Variants in LMNA observed in about 807,000 individuals in gnomAD.
LMNA encodes the protein lamin A/C.
Under a neutral mutation model 70.4 loss-of-function variants are expected in LMNA, and 20 were observed. That is an observed-to-expected ratio of 0.28 (90% CI 0.20 to 0.41). The LOEUF is 0.41. LMNA is among the 10% of genes least tolerant of loss of function. LMNA has a pLI of 1.00. For missense variants in LMNA, 652 were observed against 917.2 expected (o/e 0.71, Z 3.73); for synonymous variants, 339 against 372.8 (o/e 0.91, Z 1.04).
rs540425570 is a variant in LMNA, at chr1:156,124,859, A to G, written c.357-5758A>G. On this transcript the variant is annotated intron_variant, in intron 1 of 11. Coordinates refer to ENST00000368300, the MANE Select transcript of LMNA (RefSeq NM_170707.4). ...CTCCGTATCACTCTCTGACTGGGGT[A>G]TCTCCCAGCAAGCGAGACAGAGGCA... Among the ~76,000 whole-genome samples the G allele has an allele frequency of 2.7e-4, 41 of 152,252 alleles. 2 individuals are homozygous for G. In the South Asian group the frequency reaches 8.5e-3, roughly 32 times the overall value.
chr1:156,139,082 C>A lies in LMNA; in HGVS notation c.1971C>A (p.Ser657Arg), dbSNP rs1023544978. Residue 657 changes from serine to arginine, a missense_variant and splice_region_variant, in exon 12 of 12, where the codon AGC becomes AGA. Around this residue, in one of 4 missense-constraint regions of LMNA, gnomAD observed 327 missense variants for 387.6 expected, o/e 0.84. Coordinates refer to ENST00000368300, the MANE Select transcript of LMNA (RefSeq NM_170707.4). ...LLGNSSPRTQ[S>R]PQNCSIM Reference sequence around the variant, plus strand: ...CTCTCCTCTGTTTTCTCTCTTAGAGCCCCCAGAACTGCAGCATCATGTAAT... The same window carrying A: ...CTCTCCTCTGTTTTCTCTCTTAGAGACCCCAGAACTGCAGCATCATGTAAT... The A allele has an allele frequency of 6.2e-7, 1 of 1,613,596 alleles. No individual in the cohort carries two copies. Among genetic ancestry groups the A allele is most frequent in the Non-Finnish European group, 8.5e-7 (1 of 1,179,822 alleles).
At position 156,115,312 on chromosome 1, in the gene LMNA, T is replaced by A. The variant is rs1178826574; in HGVS notation, c.356+38T>A. 1.9e-6 allele frequency: 3 copies of A among 1,561,100 alleles called. No homozygotes were observed. The highest frequency in any genetic ancestry group is 2.6e-6 in the Non-Finnish European group (3 of 1,155,696). On this transcript the variant is annotated intron_variant, in intron 1 of 11. Coordinates refer to ENST00000368300, the MANE Select transcript of LMNA (RefSeq NM_170707.4). The surrounding 1 kb of genome is among the most constrained non-coding windows in gnomAD (Gnocchi z 5.8). ...AGGTGGCTGCGTGCCTGGCGGGGAG[T>A]GGAGAGGGCGGCGGGCCGGCGCCCC... is the stretch of plus-strand genomic sequence containing the variant.
chr1:156,138,289 G>C lies in LMNA; in HGVS notation c.1699-199G>C. The stretch of plus-strand genomic sequence containing the variant: ...GTTCTCTGTCCCCAAGTCTTCCTGA[G>C]CCTTCTCCCCTTTTATGTCTTCCCT... On this transcript the variant is annotated intron_variant, in intron 10 of 11. Transcript: ENST00000368300. This position sits in a 1 kb window ranked among gnomAD's most constrained non-coding sequence, Gnocchi z 5.5. The C allele has an allele frequency of 3.3e-6, 2 of 611,532 alleles. No individual in the cohort carries two copies. The highest frequency in any genetic ancestry group is 5.8e-6 in the Non-Finnish European group (2 of 346,552). The allele number at this position is 611,532 out of a possible 1,614,324, so 37.9% of individuals were successfully genotyped here.
At chr1:156,106,015 G>T (rs1291566569) in intron 3 of LMNA, among the ~76,000 whole-genome samples, 1 of 152,024 alleles carries the variant, frequency 6.6e-6, no homozygotes, top group African/African-American at 2.4e-5. Context: ...GGCTCCTGTA[G>T]TCCCAGGTAC....
At chr1:156,083,591 T>TC (rs1280723854) in intron 2 of LMNA, 1 of 152,074 alleles carries the variant, frequency 6.6e-6, no homozygotes, top group African/African-American at 2.4e-5. Flanking sequence ...TCACCTGAGG[T>TC]CAGGAGTTCG....
Position 156,115,819 on chromosome 1 carries a change from A to G in LMNA, c.356+545A>G, listed in dbSNP as rs1649789962. On this transcript the variant is annotated intron_variant, in intron 1 of 11. Coordinates refer to ENST00000368300, the MANE Select transcript of LMNA (RefSeq NM_170707.4). The surrounding 1 kb of genome is among the most constrained non-coding windows in gnomAD (Gnocchi z 5.8). ...GGAGCGAGGTCAGGAAGGCAGGGCA[A>G]TCCCCCTTTTCCCTCCCAAGGGCTT... Among the ~76,000 whole-genome samples, 1 of 152,208 alleles carries G rather than the reference A, an allele frequency of 6.6e-6. No individual in the cohort carries two copies. The highest frequency in any genetic ancestry group is 6.5e-5 in the Admixed American group (1 of 15,274).
Position 156,136,128 on chromosome 1 carries a change from TG to T in LMNA, c.1157+11del, listed in dbSNP as rs772561573. 1 of 1,613,882 alleles carries T rather than the reference TG, an allele frequency of 6.2e-7. No individual in the cohort carries two copies. On this transcript the variant is annotated splice_region_variant and intron_variant, in intron 6 of 11. Coordinates refer to ENST00000368300, the MANE Select transcript of LMNA (RefSeq NM_170707.4). This position sits in a 1 kb window ranked among gnomAD's most constrained non-coding sequence, Gnocchi z 6.1. ...TGGAGGGCGAGGAGGAGAGGTGGGC[TG>T]GGGAGACGTCGGGGAGGTGCTGGCA...
chr1:156,084,328 C>CGGGGGGGGGGGGG (rs60777722), intron 2 of LMNA, among the ~76,000 whole-genome samples: 6 of 91,008 alleles, frequency 6.6e-5, no homozygotes, highest in African/African-American at 1.5e-4. Flanking sequence ...CTCAGAAGGT[C>CGGGGGGGGGGGGG]GGGGGGTGGT....
At chr1:156,125,999 GA>G (rs1311917234) in intron 1 of LMNA, among the ~76,000 whole-genome samples, 11 of 151,818 alleles carry the variant, frequency 7.2e-5, no homozygotes, top group Admixed American at 1.3e-4. Context: ...AATAATAAAT[GA>G]AAAATTTTAA....
chr1:156,086,285 T>C (rs1648471788), intron 2 of LMNA, among the ~76,000 whole-genome samples: 1 of 152,232 alleles, frequency 6.6e-6, no homozygotes. Context: ...CATAGGTCAC[T>C]TGAAGTCACT....
At position 156,139,831 on chromosome 1, in the gene LMNA, C is replaced by T. The variant is rs1651962423; in HGVS notation, c.*725C>T. The T allele has an allele frequency of 6.6e-7, 1 of 1,523,742 alleles. No homozygotes were observed. The highest frequency in any genetic ancestry group is 1.4e-5 in the African/African-American group (1 of 72,718). 94.4% of individuals were successfully genotyped at this position (1,523,742 alleles called of 1,614,324 possible). On this transcript the variant is annotated 3_prime_UTR_variant, in exon 12 of 12. Transcript: ENST00000368300. ...GAGAAGAAAGGTGAGTTTGAGCTGC[C>T]TTCCCTAGCTTTAGACCCTGGGTGG...
In LMNA at chr1:156,139,655, C is replaced by G; in HGVS notation, c.*549C>G. 2 of 1,495,180 alleles carry G rather than the reference C, an allele frequency of 1.3e-6. No individual in the cohort carries two copies. The highest frequency in any genetic ancestry group is 1.8e-6 in the Non-Finnish European group (2 of 1,126,984). 92.6% of individuals were successfully genotyped at this position (1,495,180 alleles called of 1,614,324 possible). On this transcript the variant is annotated 3_prime_UTR_variant, in exon 12 of 12. Coordinates refer to ENST00000368300, the MANE Select transcript of LMNA (RefSeq NM_170707.4). ...CTTGGCCTGCTGTGATTCCACTACA[C>G]CTGGCTGAGGTTCCTCTGCCTGCCC... is the stretch of plus-strand genomic sequence containing the variant.
At chr1:156,127,331 G>A (rs1650670525) in intron 1 of LMNA, among the ~76,000 whole-genome samples, 1 of 152,044 alleles carries the variant, frequency 6.6e-6, no homozygotes, top group South Asian at 2.1e-4. Flanking sequence ...GGGTGATAGT[G>A]GCTTCTTCCC....
chr1:156,102,455 G>T (rs559279198), intron 3 of LMNA, among the ~76,000 whole-genome samples: 2 of 152,266 alleles, frequency 1.3e-5, no homozygotes, highest in East Asian at 3.9e-4. Context: ...AGCACCCAAG[G>T]GCTCATTCTT....
intron 1 of LMNA, among the ~76,000 whole-genome samples, chr1:156,116,031 T>C (rs1304939093): frequency 1.3e-5 from 2 of 152,156 alleles, no homozygotes; most frequent in African/African-American, 4.8e-5. Context: ...GGCCCAGGAA[T>C]GCAAGGGAGG....
At chr1:156,116,516 G>A (rs1337261467) in intron 1 of LMNA, among the ~76,000 whole-genome samples, 1 of 152,150 alleles carries the variant, frequency 6.6e-6, no homozygotes, top group Non-Finnish European at 1.5e-5. Flanking sequence ...TCCGTAAAGG[G>A]CTGTTGGCTT....
intron 2 of LMNA, among the ~76,000 whole-genome samples, chr1:156,085,547 A>G (rs1475887377): frequency 6.6e-6 from 1 of 152,122 alleles, no homozygotes; most frequent in Non-Finnish European, 1.5e-5. Flanking sequence ...CATCTTCATC[A>G]TGGTCCCCAA....
Position 156,136,897 on chromosome 1 carries a change from T to G in LMNA, c.1381-24T>G. The G allele has an allele frequency of 6.2e-7, 1 of 1,605,666 alleles. No individual in the cohort carries two copies. Among genetic ancestry groups the G allele is most frequent in the South Asian group, 1.1e-5 (1 of 90,162 alleles). On this transcript the variant is annotated intron_variant, in intron 7 of 11. Transcript: ENST00000368300. The surrounding 1 kb of genome is among the most constrained non-coding windows in gnomAD (Gnocchi z 6.1). ...GAGCCTGGGTGAGCCTCCCCGACCT[T>G]CCTCTTCCCTATCTTCCCGGCAGGA...
upstream of LMNA, among the ~76,000 whole-genome samples, chr1:156,111,699 T>G (rs1341624167): frequency 6.6e-6 from 1 of 152,234 alleles, no homozygotes; most frequent in Non-Finnish European, 1.5e-5. Context: ...TGTGCAGAAC[T>G]CTTGCACACC....
Sources: gnomAD v4.1 joint callset for allele counts (sites outside exome capture counted in the v4.1 genomes callset) on GRCh38, gnomAD v4.1.1 for gene constraint, gnomAD v4.1.1 regional missense constraint, Gnocchi (gnomAD v3.1) non-coding constraint, MANE v1.5 for transcripts, NCBI Gene and HGNC (gene_info 2026-07-23, HGNC 2026-07-21) for gene names.